The following ANKFN1 variants were observed in gnomAD, a reference collection of about 807,000 sequenced individuals.
The protein encoded by ANKFN1 is ankyrin repeat and fibronectin type-III domain-containing protein 1.
In ANKFN1, 74 loss-of-function variants were observed where a neutral mutation model predicts 108.7. The ratio of observed to expected loss-of-function variants is 0.68; its 90% CI spans 0.56 to 0.83. The LOEUF is 0.83. ANKFN1 is among the 40% of genes least tolerant of loss of function. The pLI, the probability that ANKFN1 is intolerant of heterozygous loss-of-function variation, is 0.00. For missense variants in ANKFN1, 1,505 were observed against 1,382.3 expected (o/e 1.09, Z -1.41); for synonymous variants, 547 against 516.2 (o/e 1.06, Z -0.81).
chr17:56,166,154 GT>G (rs1323286077), intron 1 of ANKFN1, among the ~76,000 whole-genome samples: 1 of 152,150 alleles, frequency 6.6e-6, no homozygotes, highest in Non-Finnish European at 1.5e-5. Flanking sequence ...CTTTGTTCTA[GT>G]TCCAGTTATG....
chr17:56,195,280 T>C (rs1438060859), intron 1 of ANKFN1: 1 of 152,214 alleles, frequency 6.6e-6, no homozygotes, highest in African/African-American at 2.4e-5. Context: ...AAAACTAACT[T>C]GTAATCCAGA....
intron 8 of ANKFN1, among the ~76,000 whole-genome samples, chr17:56,419,306 A>G (rs2048330395): frequency 1.3e-5 from 2 of 151,896 alleles, no homozygotes; most frequent in Non-Finnish European, 1.5e-5. Context: ...ACATGGCGAA[A>G]CCCCATCTCT....
At chr17:56,065,808 A>T (rs772260607) in intron 4 of ANKFN1, among the ~76,000 whole-genome samples, 52 of 152,228 alleles carry the variant, frequency 3.4e-4, no homozygotes, top group Non-Finnish European at 6.3e-4. Flanking sequence ...TAACAGATAC[A>T]GTAATAACGA....
intron 3 of ANKFN1, among the ~76,000 whole-genome samples, chr17:56,309,601 C>G (rs1281814226): frequency 6.6e-6 from 1 of 151,870 alleles, no homozygotes; most frequent in African/African-American, 2.4e-5. Context: ...TTTTGGCTTT[C>G]TTGTGGTACA....
chr17:56,301,703 T>C (rs369216791), intron 3 of ANKFN1, among the ~76,000 whole-genome samples: 5 of 152,186 alleles, frequency 3.3e-5, no homozygotes, highest in African/African-American at 9.7e-5. Flanking sequence ...ATAATAGAGA[T>C]AGAATGGTGA....
chr17:56,237,759 T>C (rs996105835), intron 3 of ANKFN1, among the ~76,000 whole-genome samples: 1 of 152,126 alleles, frequency 6.6e-6, no homozygotes. Context: ...TGGTTTTTTT[T>C]TGTGTCTCAA....
At chr17:56,077,691 G>A (rs186137726) in intron 4 of ANKFN1, among the ~76,000 whole-genome samples, 5 of 152,180 alleles carry the variant, frequency 3.3e-5, no homozygotes, top group African/African-American at 4.8e-5. Flanking sequence ...TCCTTTCAAC[G>A]TATGCCTTGC....
intron 4 of ANKFN1, among the ~76,000 whole-genome samples, chr17:56,070,367 C>T (rs907758494): frequency 5.3e-5 from 8 of 152,130 alleles, no homozygotes; most frequent in Admixed American, 1.3e-4. Context: ...CAGACTCTGT[C>T]GCCTTCTTTA....
At chr17:56,047,558 A>G (rs1435566204) in intron 4 of ANKFN1, among the ~76,000 whole-genome samples, 3 of 152,120 alleles carry the variant, frequency 2.0e-5, no homozygotes, top group African/African-American at 4.8e-5. Flanking sequence ...CCAAGTTGCT[A>G]TGGGACATAA....
intron 1 of ANKFN1, among the ~76,000 whole-genome samples, chr17:56,162,130 A>G (rs1466996831): frequency 1.3e-5 from 2 of 152,250 alleles, no homozygotes; most frequent in African/African-American, 4.8e-5. Flanking sequence ...AGTCTCACCA[A>G]GAATACATAA....
At position 56,071,071 on chromosome 17, in the gene ANKFN1, C is replaced by G. The variant is rs531605816; in HGVS notation, c.288+24746C>G. ...TTAACATTTTTGACTTGATCCTTCC[C>G]TTCATCCTGCAAGTATGCTCTAACC... On this transcript the variant is annotated intron_variant, in intron 4 of 12. Coordinates refer to the ANKFN1 transcript ENST00000635860. Among the ~76,000 whole-genome samples the G allele has an allele frequency of 5.9e-5, 9 of 152,200 alleles. No individual in the cohort carries two copies. In the South Asian group the frequency reaches 1.0e-3, roughly 18 times the overall value.
chr17:56,438,447 A>G (rs747032372), intron 8 of ANKFN1, among the ~76,000 whole-genome samples: 46 of 152,218 alleles, frequency 3.0e-4, no homozygotes, highest in Non-Finnish European at 5.4e-4. Flanking sequence ...AGGTCCTTGA[A>G]TGCCTTCCTA....
intron 4 of ANKFN1, among the ~76,000 whole-genome samples, chr17:56,124,530 G>C (rs1906810365): frequency 6.6e-6 from 1 of 152,158 alleles, no homozygotes; most frequent in Admixed American, 6.5e-5. Context: ...TGGGTCCCTG[G>C]ATTTAGTGTA....
At chr17:56,308,922 T>C (rs560455941) in intron 3 of ANKFN1, among the ~76,000 whole-genome samples, 1 of 152,318 alleles carries the variant, frequency 6.6e-6, no homozygotes, top group South Asian at 2.1e-4. Flanking sequence ...TAAACACCAC[T>C]TTGTCCTGGT....
chr17:56,116,224 C>A (rs141356310), intron 4 of ANKFN1, among the ~76,000 whole-genome samples: 1 of 152,252 alleles, frequency 6.6e-6, no homozygotes, highest in Non-Finnish European at 1.5e-5. Flanking sequence ...GACATACAAT[C>A]TCTTGAATTC....
chr17:56,257,199 CAAT>C (rs1289910005), intron 3 of ANKFN1, among the ~76,000 whole-genome samples: 9 of 152,158 alleles, frequency 5.9e-5, no homozygotes, highest in African/African-American at 2.2e-4. Flanking sequence ...GTGGTGATGA[CAAT>C]GATGATAATG....
intron 10 of ANKFN1, among the ~76,000 whole-genome samples, chr17:56,448,767 A>G (rs1375469392): frequency 6.6e-6 from 1 of 152,138 alleles, no homozygotes; most frequent in Non-Finnish European, 1.5e-5. Context: ...TAGAAGGCTA[A>G]AAGGGGAGAA....
intron 4 of ANKFN1, among the ~76,000 whole-genome samples, chr17:56,342,716 T>C (rs1056741367): frequency 2.0e-5 from 3 of 152,110 alleles, no homozygotes; most frequent in African/African-American, 7.2e-5. Context: ...CTTCCAATTA[T>C]GTGATCAATT....
intron 3 of ANKFN1, among the ~76,000 whole-genome samples, chr17:56,260,420 C>T (rs1468350921): frequency 2.0e-5 from 3 of 149,214 alleles, no homozygotes; most frequent in African/African-American, 7.4e-5. Flanking sequence ...GGTGGTGGGG[C>T]GGGGTAGGGG....
Sources: allele counts gnomAD v4.1 joint callset (sites outside exome capture counted in the v4.1 genomes callset), GRCh38; gene constraint gnomAD v4.1.1; transcripts MANE v1.5; gene names NCBI Gene and HGNC (gene_info 2026-07-23, HGNC 2026-07-21).